The following PLXNB1 variants were observed in gnomAD, a reference collection of about 807,000 sequenced individuals.
PLXNB1 encodes plexin B1, also known as plexin-B1.
PLXNB1 carries 106 observed loss-of-function variants against 209.4 expected under a neutral mutation model. That is an observed-to-expected ratio of 0.51 (90% CI 0.43 to 0.59). The LOEUF (loss-of-function observed/expected upper bound fraction) is 0.59, where lower values mean the gene tolerates loss of function less well. PLXNB1 is among the 20% of genes least tolerant of loss of function. The probability of loss-of-function intolerance (pLI) is 0.00; values close to 1 mark genes in which losing one functional copy is unlikely to be tolerated. For missense variants in PLXNB1, 2,357 were observed against 2,853.2 expected (o/e 0.83, Z 3.96); for synonymous variants, 1,167 against 1,183.2 (o/e 0.99, Z 0.28).
Position 48,416,041 on chromosome 3 carries a change from G to C in PLXNB1, c.3607C>G (p.Pro1203Ala). The C allele has an allele frequency of 1.2e-6, 2 of 1,603,968 alleles. No individual in the cohort carries two copies. Among genetic ancestry groups the C allele is most frequent in the Non-Finnish European group, 1.7e-6 (2 of 1,175,494 alleles). ...GGAAGTGGCCCTCACAAGTGACAAG[G>C]CTGGTCTCCAACCACCACTCGGATG... is the stretch of plus-strand genomic sequence containing the variant. ...EDIRVVVGDQ[P>A]CHLLPEQQSE... The change falls in exon 18 of 38, where the codon CCT becomes GCT. Residue 1203 changes from proline (P) to alanine (A), a missense_variant. Coordinates refer to ENST00000296440, the MANE Select transcript of PLXNB1 (RefSeq NM_001130082.3). This position sits in a 1 kb window ranked among gnomAD's most constrained non-coding sequence, Gnocchi z 4.1.
intron 6 of PLXNB1, 130 bp downstream of exon 6, chr3:48,421,975 T>A (rs1054706121): frequency 1.6e-6 from 2 of 1,282,686 alleles, no homozygotes; most frequent in Admixed American, 2.0e-5. Context: ...AGGATGGGGG[T>A]GAGGAATTGG....
intron 37 of PLXNB1, among the ~76,000 whole-genome samples, chr3:48,404,869 C>T (rs2037219516): frequency 6.6e-6 from 1 of 152,188 alleles, no homozygotes; most frequent in African/African-American, 2.4e-5. Flanking sequence ...TCCTGGCTAA[C>T]CCACCCGCCA....
rs550846457 is a variant in PLXNB1, at chr3:48,420,156, G to A, written c.2130C>T (p.Pro710=). The change falls in exon 11 of 38, where the codon CCC becomes CCT. Residue 710 remains proline (P), a synonymous_variant. Transcript: ENST00000296440. The stretch of plus-strand genomic sequence containing the variant: ...CTGTGGAGGGAGCCCCAGGCTCCAC[G>A]GGAAGGGTGTCAGGAGCAGGGGTGG... ...ALATPAPDTL[P]VEPGAPSTAT... is the part of the protein sequence containing the mutation. 2.9e-5 allele frequency: 46 copies of A among 1,607,248 alleles called. No individual in the cohort carries two copies. The highest frequency in any genetic ancestry group is 1.0e-4 in the Admixed American group (6 of 59,258).
rs752605758 is a variant in PLXNB1, at chr3:48,415,384, C to T, written c.3795-37G>A. 1.3e-6 allele frequency: 2 copies of T among 1,596,474 alleles called. No individual in the cohort carries two copies. The highest frequency in any genetic ancestry group is 2.2e-5 in the South Asian group (2 of 89,832). On this transcript the variant is annotated intron_variant, in intron 19 of 37. Transcript: ENST00000296440. This position sits in a 1 kb window ranked among gnomAD's most constrained non-coding sequence, Gnocchi z 5.0. ...CGTGAGCTTACGTAACGTAAGATGGCTTATGTTACCTGGACCTAAAGCACA... is the reference window on the plus strand; with the variant it reads ...CGTGAGCTTACGTAACGTAAGATGGTTTATGTTACCTGGACCTAAAGCACA...
rs2038026625 is a variant in PLXNB1, at chr3:48,415,528, G to A, written c.3794+55C>T. 2 of 1,495,240 alleles carry A rather than the reference G, an allele frequency of 1.3e-6. No homozygotes were observed. Among genetic ancestry groups the A allele is most frequent in the African/African-American group, 1.4e-5 (1 of 72,274 alleles). The allele number at this position is 1,495,240 out of a possible 1,614,324, so 92.6% of individuals were successfully genotyped here. ...AAGCCCTACAAACCCCCACATAGTGGAGCTGCAAAGACCTCCCTGCCACCT... is the reference window on the plus strand; with the variant it reads ...AAGCCCTACAAACCCCCACATAGTGAAGCTGCAAAGACCTCCCTGCCACCT... On this transcript the variant is annotated intron_variant, in intron 19 of 37. Transcript: ENST00000296440. This position sits in a 1 kb window ranked among gnomAD's most constrained non-coding sequence, Gnocchi z 5.0.
At position 48,423,515 on chromosome 3, in the gene PLXNB1, T is replaced by A; in HGVS notation, c.1097A>T (p.Gln366Leu). 3 of 1,612,826 alleles carry A rather than the reference T, an allele frequency of 1.9e-6. No individual in the cohort carries two copies. The highest frequency in any genetic ancestry group is 2.5e-6 in the Non-Finnish European group (3 of 1,178,896). ...AATACTGGAACTCACCACTGGCAGC[T>A]GTGCACAGTCAGAATTGACATCATA... ...IEYDVNSDCAQLPVDTLDAYP... is the reference protein window; with the variant it reads ...IEYDVNSDCALLPVDTLDAYP... Residue 366 changes from glutamine (Q) to leucine (L), a missense_variant, in exon 3 of 38, where the codon CAG becomes CTG. Around this residue, in one of 7 missense-constraint regions of PLXNB1, gnomAD observed 404 missense variants for 443.6 expected, o/e 0.91. Coordinates refer to ENST00000296440, the MANE Select transcript of PLXNB1 (RefSeq NM_001130082.3).
Position 48,413,981 on chromosome 3 carries a change from G to C in PLXNB1, c.4300C>G (p.His1434Asp). Residue 1434 changes from histidine to aspartate, a missense_variant, in exon 22 of 38, where the codon CAC (histidine) becomes GAC (aspartate). By Grantham distance (81) the His-to-Asp change is moderately conservative. Transcript: ENST00000296440. The surrounding 1 kb of genome is among the most constrained non-coding windows in gnomAD (Gnocchi z 5.4). ...TCCACGGGGGGCTCGCAGTACAGGT[G>C]GTGCCGCGTCAGCGTCTTCACCACA... Reference protein sequence around the residue: ...PCVVKTLTRHHLYCEPPVEQP... With the variant: ...PCVVKTLTRHDLYCEPPVEQP... 6 of 1,613,722 alleles carry C rather than the reference G, an allele frequency of 3.7e-6. No individual in the cohort carries two copies. The highest frequency in any genetic ancestry group is 4.2e-6 in the Non-Finnish European group (5 of 1,179,984).
Position 48,420,943 on chromosome 3 carries a change from C to G in PLXNB1, c.1824G>C (p.Val608=). The G allele has an allele frequency of 6.2e-7, 1 of 1,613,630 alleles. No homozygotes were observed. Among genetic ancestry groups the G allele is most frequent in the South Asian group, 1.1e-5 (1 of 91,050 alleles). Residue 608 remains valine (V), a synonymous_variant, in exon 9 of 38, where the codon GTG becomes GTC. Transcript: ENST00000296440. ...CAGCGCCAAATCTGAGCTCCACGCTCACGGATACGTAGTCTGCAGAGGGGG... is the reference window on the plus strand; with the variant it reads ...CAGCGCCAAATCTGAGCTCCACGCTGACGGATACGTAGTCTGCAGAGGGGG... ...VLPRGADYVS[V]SVELRFGAVV...
Position 48,419,790 on chromosome 3 carries a change from C to T in PLXNB1, c.2496G>A (p.Met832Ile), listed in dbSNP as rs772176144. Reference protein sequence around the residue: ...TVPATTFPGAMGSVKPALDWL... With the variant: ...TVPATTFPGAIGSVKPALDWL... ...AGTCCAGGGCGGGCTTCACGGAGCC[C>T]ATGGCCCCTGGGAAAGTGGTGGCAG... Residue 832 changes from methionine to isoleucine, a missense_variant, in exon 11 of 38, where the codon ATG becomes ATA. Met to Ile is a conservative substitution (Grantham distance 10). Around this residue, in one of 7 missense-constraint regions of PLXNB1, gnomAD observed 410 missense variants for 401.0 expected, o/e 1.02. Transcript: ENST00000296440. The surrounding 1 kb of genome is among the most constrained non-coding windows in gnomAD (Gnocchi z 5.7). 6 of 1,598,180 alleles carry T rather than the reference C, an allele frequency of 3.8e-6. No homozygotes were observed. The South Asian group carries it at 5.6e-5, about 15-fold the overall frequency.
Position 48,422,861 on chromosome 3 carries a change from C to T in PLXNB1, c.1194G>A (p.Leu398=). The T allele has an allele frequency of 6.2e-7, 1 of 1,614,150 alleles. No homozygotes were observed. Among genetic ancestry groups the T allele is most frequent in the Non-Finnish European group, 8.5e-7 (1 of 1,180,002 alleles). ...SRVPLEATPI[L]EWPGIQLTAV... ...CTGTTAGCTGAATCCCTGGCCACTC[C>T]AGAATTGGTGTGGCTTCCAGCGGGA... Residue 398 remains leucine (L), a synonymous_variant, in exon 4 of 38, where the codon CTG becomes CTA. Transcript: ENST00000296440.
chr3:48,425,548 C>A (rs1303510179), intron 1 of PLXNB1, among the ~76,000 whole-genome samples: 1 of 152,014 alleles, frequency 6.6e-6, no homozygotes, highest in African/African-American at 2.4e-5. Context: ...GCAGCAGAGC[C>A]AGGCACCCGA....
Position 48,418,142 on chromosome 3 carries a change from TC to T in PLXNB1, c.3222+48del, listed in dbSNP as rs1313581907. The T allele has an allele frequency of 6.2e-7, 1 of 1,608,552 alleles. No homozygotes were observed. On this transcript the variant is annotated intron_variant, in intron 15 of 37. Transcript: ENST00000296440. The surrounding 1 kb of genome is among the most constrained non-coding windows in gnomAD (Gnocchi z 6.6). ...CTCCCACCTTTGGGCCCCCACACCC[TC>T]CCTCTAAGGGCAGCACTGAGGAAGG...
chr3:48,419,826 A>G lies in PLXNB1; in HGVS notation c.2460T>C (p.Pro820=). The G allele has an allele frequency of 6.3e-7, 1 of 1,582,506 alleles. No homozygotes were observed. The highest frequency in any genetic ancestry group is 2.3e-5 in the East Asian group (1 of 43,974). Residue 820 remains proline, a synonymous_variant, in exon 11 of 38, where the codon CCT becomes CCC. Transcript: ENST00000296440. The surrounding 1 kb of genome is among the most constrained non-coding windows in gnomAD (Gnocchi z 5.7). The stretch of plus-strand genomic sequence containing the variant: ...GGAAAGTGGTGGCAGGAACAGTGGC[A>G]GGGGGCAGGTCCAGGGGCACTGTGG... ...LHPTVPLDLP[P]ATVPATTFPG...
intron 7 of PLXNB1, 96 bp downstream of exon 7, chr3:48,421,578 G>T (rs897689190): frequency 3.1e-6 from 4 of 1,283,768 alleles, no homozygotes; most frequent in Non-Finnish European, 1.1e-6. Context: ...AGGCCATGTG[G>T]TATCTGGCAT....
chr3:48,410,584 G>A lies in PLXNB1; in HGVS notation c.5417-26C>T, dbSNP rs756179348. 1.3e-6 allele frequency: 2 copies of A among 1,582,852 alleles called. No homozygotes were observed. The highest frequency in any genetic ancestry group is 2.2e-5 in the South Asian group (2 of 90,386). On this transcript the variant is annotated intron_variant, in intron 29 of 37. Transcript: ENST00000296440. This position sits in a 1 kb window ranked among gnomAD's most constrained non-coding sequence, Gnocchi z 6.4. ...CTGCAAGGGCAAGGCAGAACTGGGT[G>A]CAGGGCTGGAAGATACCCTTCCCAT...
chr3:48,413,600 G>A lies in PLXNB1; in HGVS notation c.4535+70C>T, dbSNP rs573136628. On this transcript the variant is annotated intron_variant, in intron 23 of 37. Coordinates refer to ENST00000296440, the MANE Select transcript of PLXNB1 (RefSeq NM_001130082.3). This position sits in a 1 kb window ranked among gnomAD's most constrained non-coding sequence, Gnocchi z 5.4. ...GAGAATGTTTCCTGACTCCTGGCCC[G>A]GTCTGTCCCTTCCCAGTCCAGCCAG... 49 of 1,475,034 alleles carry A rather than the reference G, an allele frequency of 3.3e-5. No homozygotes were observed. Among genetic ancestry groups the A allele is most frequent in the East Asian group, 1.6e-4 (7 of 43,024 alleles). The allele number at this position is 1,475,034 out of a possible 1,614,324, so 91.4% of individuals were successfully genotyped here.
chr3:48,410,568 C>T lies in PLXNB1; in HGVS notation c.5417-10G>A. On this transcript the variant is annotated splice_polypyrimidine_tract_variant and intron_variant, in intron 29 of 37. Coordinates refer to ENST00000296440, the MANE Select transcript of PLXNB1 (RefSeq NM_001130082.3). The surrounding 1 kb of genome is among the most constrained non-coding windows in gnomAD (Gnocchi z 6.4). ...ACCCCAGACCGCCACTCTGCAAGGG[C>T]AAGGCAGAACTGGGTGCAGGGCTGG... The T allele has an allele frequency of 3.1e-6, 5 of 1,607,828 alleles. No individual in the cohort carries two copies. In the South Asian group the frequency reaches 5.5e-5, roughly 18 times the overall value.
rs1420422143 is a variant in PLXNB1, at chr3:48,417,654, A to C, written c.3374+257T>G. The stretch of plus-strand genomic sequence containing the variant: ...CCTCAGAAGACCAGGTGAGCAGAGC[A>C]GGAAGCAGAGCCACGAGTCAGTTCT... On this transcript the variant is annotated intron_variant, in intron 16 of 37. Coordinates refer to ENST00000296440, the MANE Select transcript of PLXNB1 (RefSeq NM_001130082.3). The surrounding 1 kb of genome is among the most constrained non-coding windows in gnomAD (Gnocchi z 4.4). Among the ~76,000 whole-genome samples, 1 of 152,184 alleles carries C rather than the reference A, an allele frequency of 6.6e-6. No individual in the cohort carries two copies. Among genetic ancestry groups the C allele is most frequent in the Non-Finnish European group, 1.5e-5 (1 of 68,016 alleles).
intron 26 of PLXNB1, 33 bp downstream of exon 26, chr3:48,412,409 C>T: frequency 6.2e-7 from 1 of 1,612,028 alleles, no homozygotes; most frequent in Non-Finnish European, 8.5e-7. Flanking sequence ...TCCAGCTGTC[C>T]AGGGCCCACC....
Sources: allele counts gnomAD v4.1 joint callset (sites outside exome capture counted in the v4.1 genomes callset), GRCh38; gene constraint gnomAD v4.1.1; regional missense constraint gnomAD v4.1.1; non-coding constraint Gnocchi (gnomAD v3.1); transcripts MANE v1.5; gene names NCBI Gene and HGNC (gene_info 2026-07-23, HGNC 2026-07-21).